CARMIL1: variants seen among roughly 807,000 people sequenced by gnomAD.
CARMIL1 encodes F-actin-uncapping protein LRRC16A.
CARMIL1 carries 90 observed loss-of-function variants against 177.1 expected under a neutral mutation model. That is an observed-to-expected ratio of 0.51 (90% CI 0.43 to 0.61). The LOEUF (loss-of-function observed/expected upper bound fraction) is 0.61. Among genes scored for constraint, CARMIL1 ranks in the 20% least tolerant of loss-of-function variants. The probability of loss-of-function intolerance (pLI) is 0.00; values close to 1 mark genes in which losing one functional copy is unlikely to be tolerated. For synonymous variants in CARMIL1, 577 were observed against 606.2 expected (o/e 0.95, Z 0.71); for missense variants, 1,380 against 1,667.0 (o/e 0.83, Z 3.00).
At chr6:25,305,012 C>G (rs549394024) in intron 2 of CARMIL1, among the ~76,000 whole-genome samples, 1 of 152,174 alleles carries the variant, frequency 6.6e-6, no homozygotes, top group South Asian at 2.1e-4. Flanking sequence ...CTTTTTAGTT[C>G]CAGTAGAGAT....
At chr6:25,312,905 TAAAAAAA>T (rs35960509) in intron 2 of CARMIL1, among the ~76,000 whole-genome samples, 98 of 115,042 alleles carry the variant, frequency 8.5e-4, no homozygotes, top group African/African-American at 3.3e-3. Context: ...ATGACTCAGT[TAAAAAAA>T]AAAAAAAAAA....
rs1810647749 is a variant in CARMIL1 at position 25,556,815 on chromosome 6, G to C, written c.2707G>C (p.Glu903Gln). 1 of 1,613,360 alleles carries C rather than the reference G, an allele frequency of 6.2e-7. No homozygotes were observed. Among genetic ancestry groups the C allele is most frequent in the Non-Finnish European group, 8.5e-7 (1 of 1,179,656 alleles). Residue 903 changes from glutamate to glutamine, a missense_variant, in exon 29 of 37, where the codon GAG (glutamate) becomes CAG (glutamine). Physicochemically the swap from Glu to Gln is conservative, Grantham distance 29. Coordinates refer to ENST00000329474, the MANE Select transcript of CARMIL1 (RefSeq NM_017640.6). ...CATCATCACAGTGGAGGAGCTAACA[G>C]AGATAGAGCGTTTGGAAGATCTGGA... The part of the protein sequence containing the change: ...RSIITVEELT[E>Q]IERLEDLDTC...
chr6:25,618,161 T>A (rs923070414), intron 36 of CARMIL1, among the ~76,000 whole-genome samples: 3 of 152,188 alleles, frequency 2.0e-5, no homozygotes, highest in Non-Finnish European at 4.4e-5. Flanking sequence ...GCAGGAGAAG[T>A]ACTCTATTAG....
At chr6:25,363,251 A>G (rs1429619781) in intron 2 of CARMIL1, among the ~76,000 whole-genome samples, 1 of 152,168 alleles carries the variant, frequency 6.6e-6, no homozygotes, top group Non-Finnish European at 1.5e-5. Flanking sequence ...TTTCTTTTTT[A>G]TCGGTGCTTC....
At chr6:25,308,695 A>G (rs1471842642) in intron 2 of CARMIL1, among the ~76,000 whole-genome samples, 1 of 151,108 alleles carries the variant, frequency 6.6e-6, no homozygotes, top group Non-Finnish European at 1.5e-5. Context: ...TTTTTTTAAC[A>G]GTGAAACAGG....
chr6:25,390,853 T>C (rs1284284954), intron 2 of CARMIL1, among the ~76,000 whole-genome samples: 7 of 152,146 alleles, frequency 4.6e-5, no homozygotes, highest in African/African-American at 1.4e-4. Context: ...CCACCACCTG[T>C]AATCAGCCTG....
intron 2 of CARMIL1, chr6:25,388,024 A>G (rs1024308843): frequency 6.6e-5 from 10 of 152,220 alleles, no homozygotes; most frequent in Admixed American, 4.6e-4. Context: ...TCTTGAGCAG[A>G]TAGGCAAGTA....
chr6:25,341,879 A>G (rs904230002), intron 2 of CARMIL1, among the ~76,000 whole-genome samples: 7 of 152,250 alleles, frequency 4.6e-5, no homozygotes, highest in South Asian at 4.1e-4. Flanking sequence ...AACCAAGTCC[A>G]TGATGATCTG....
At chr6:25,451,986 G>GGCCCCCCCC in intron 8 of CARMIL1, 5 of 112,672 alleles carry the variant, frequency 4.4e-5, no homozygotes, top group Non-Finnish European at 8.7e-5. Context: ...CTAGCATCTT[G>GGCCCCCCCC]CCCCCCCCTC....
rs186458207 is a variant in CARMIL1, at chr6:25,577,467, C to T, written c.2743-3457C>T. Among the ~76,000 whole-genome samples, 62 of 151,374 alleles carry T rather than the reference C, an allele frequency of 4.1e-4. No individual in the cohort carries two copies. The highest frequency in any genetic ancestry group is 1.5e-3 in the African/African-American group (61 of 41,268). On this transcript the variant is annotated intron_variant, in intron 29 of 36. Transcript: ENST00000329474. This position sits in a 1 kb window ranked among gnomAD's most constrained non-coding sequence, Gnocchi z 4.5. Reference sequence around the variant, plus strand: ...TATTGTTATTTTTTTTTTCTTTCTACAGCCTTGGTGGTGGGGGGAAGTAAT... The same window carrying T: ...TATTGTTATTTTTTTTTTCTTTCTATAGCCTTGGTGGTGGGGGGAAGTAAT...
intron 2 of CARMIL1, among the ~76,000 whole-genome samples, chr6:25,406,484 G>A (rs913746418): frequency 6.6e-6 from 1 of 151,928 alleles, no homozygotes; most frequent in African/African-American, 2.4e-5. Flanking sequence ...GATCCTATAT[G>A]AGCAGGTGAT....
At chr6:25,551,124 T>A (rs1810060760) in intron 27 of CARMIL1, 39 bp downstream of exon 27, 1 of 1,529,416 alleles carries the variant, frequency 6.5e-7, no homozygotes, top group Non-Finnish European at 9.0e-7. Context: ...AGCTGCAGTT[T>A]CTGTAAATGC....
intron 2 of CARMIL1, among the ~76,000 whole-genome samples, chr6:25,308,984 A>G (rs1365254157): frequency 6.6e-6 from 1 of 152,178 alleles, no homozygotes; most frequent in Non-Finnish European, 1.5e-5. Context: ...GATAAGTAAA[A>G]TAAATTCTGC....
intron 2 of CARMIL1, among the ~76,000 whole-genome samples, chr6:25,308,582 C>T (rs537911948): frequency 1.3e-5 from 2 of 151,962 alleles, no homozygotes; most frequent in African/African-American, 4.8e-5. Flanking sequence ...GGGGTTTCAC[C>T]TTGTTGGCCA....
intron 2 of CARMIL1, among the ~76,000 whole-genome samples, chr6:25,324,961 A>G (rs148012187): frequency 6.6e-6 from 1 of 151,768 alleles, no homozygotes; most frequent in African/African-American, 2.4e-5. Context: ...GCTGAGGGTG[A>G]CCAGGGGCCA....
At chr6:25,295,691 A>C (rs566442490) in intron 2 of CARMIL1, among the ~76,000 whole-genome samples, 13 of 152,224 alleles carry the variant, frequency 8.5e-5, no homozygotes, top group African/African-American at 2.6e-4. Flanking sequence ...AACCTTTTTC[A>C]TGCAATTTAG....
intron 31 of CARMIL1, among the ~76,000 whole-genome samples, chr6:25,587,994 TA>T (rs1349354826): frequency 6.6e-6 from 1 of 151,994 alleles, no homozygotes; most frequent in Non-Finnish European, 1.5e-5. Flanking sequence ...TAAAAGGCAA[TA>T]AAAAAACCAC....
intron 2 of CARMIL1, among the ~76,000 whole-genome samples, chr6:25,289,356 A>C (rs1165091683): frequency 1.3e-5 from 2 of 152,330 alleles, no homozygotes; most frequent in Middle Eastern, 3.4e-3. Flanking sequence ...TTGGAGTGTA[A>C]AAAATGTATT....
chr6:25,328,424 C>T (rs113312218), intron 2 of CARMIL1, among the ~76,000 whole-genome samples: 2,452 of 152,320 alleles, frequency 0.016, 55 homozygotes, highest in African/African-American at 0.051. Flanking sequence ...TCTTGCATTA[C>T]AGTCACTACA....
Sources: allele counts gnomAD v4.1 joint callset (sites outside exome capture counted in the v4.1 genomes callset), GRCh38; gene constraint gnomAD v4.1.1; non-coding constraint Gnocchi (gnomAD v3.1); transcripts MANE v1.5; gene names NCBI Gene and HGNC (gene_info 2026-07-23, HGNC 2026-07-21).